PDE1A: variants seen among roughly 807,000 people sequenced by gnomAD.
PDE1A encodes dual specificity calcium/calmodulin-dependent 3',5'-cyclic nucleotide phosphodiesterase 1A.
PDE1A carries 35 observed loss-of-function variants against 61.7 expected under a neutral mutation model. The ratio of observed to expected loss-of-function variants is 0.57; its 90% CI spans 0.43 to 0.75. The LOEUF (loss-of-function observed/expected upper bound fraction) is 0.75, where lower values mean the gene tolerates loss of function less well. Among genes scored for constraint, PDE1A ranks in the 30% least tolerant of loss-of-function variants. PDE1A has a pLI of 0.00. For missense variants in PDE1A, 597 were observed against 630.6 expected (o/e 0.95, Z 0.57); for synonymous variants, 232 against 213.2 (o/e 1.09, Z -0.77).
At chr2:182,538,237 C>T in the PDE1A span, among the ~76,000 whole-genome samples, 1 of 152,130 alleles carries the variant, frequency 6.6e-6, no homozygotes, top group African/African-American at 2.4e-5. Context: ...TCACATTTCC[C>T]TGTTTTTACT....
chr2:182,499,173 G>GTTTTTT lies in PDE1A; in HGVS notation c.101+23097_101+23102dup, dbSNP rs545033513. ...AGGCTATTTTCTTTCTCTTTTTCTTGTTTTTTTTTTTTTTTTTTTTTGAGA... is the reference window on the plus strand; with the variant it reads ...AGGCTATTTTCTTTCTCTTTTTCTTGTTTTTTTTTTTTTTTTTTTTTTTTTTTGAGA... On this transcript the variant is annotated intron_variant, in intron 2 of 14. Coordinates refer to the PDE1A transcript ENST00000410103. Among the ~76,000 whole-genome samples the GTTTTTT allele has an allele frequency of 7.5e-4, 58 of 77,318 alleles. 2 individuals are homozygous for GTTTTTT. The highest frequency in any genetic ancestry group is 2.8e-3 in the East Asian group (6 of 2,106). 50.7% of individuals were successfully genotyped at this position (77,318 alleles called of 152,430 possible).
the PDE1A span, among the ~76,000 whole-genome samples, chr2:182,563,643 G>T: frequency 6.6e-6 from 1 of 152,140 alleles, no homozygotes; most frequent in Admixed American, 6.5e-5. Context: ...TCTGTCTAAT[G>T]TTGACAGTGG....
chr2:182,386,689 C>T (rs1275964770), intron 1 of PDE1A, among the ~76,000 whole-genome samples: 1 of 151,920 alleles, frequency 6.6e-6, no homozygotes, highest in Non-Finnish European at 1.5e-5. Context: ...CTCCGCCCGG[C>T]AGCTGCCCCG....
At chr2:182,263,986 A>G (rs1365519177) in intron 2 of PDE1A, among the ~76,000 whole-genome samples, 2 of 152,210 alleles carry the variant, frequency 1.3e-5, no homozygotes, top group Non-Finnish European at 2.9e-5. Flanking sequence ...GTATAAGCCT[A>G]CACGTAACTC....
intron 1 of PDE1A, among the ~76,000 whole-genome samples, chr2:182,377,306 AC>A (rs1474866120): frequency 6.6e-6 from 1 of 151,758 alleles, no homozygotes; most frequent in Non-Finnish European, 1.5e-5. Context: ...ACACCCCCTG[AC>A]CCTTTATCTT....
At chr2:182,565,133 T>G in the PDE1A span, among the ~76,000 whole-genome samples, 7 of 152,212 alleles carry the variant, frequency 4.6e-5, no homozygotes, top group African/African-American at 1.7e-4. Flanking sequence ...GGCGCTCTGC[T>G]TTTTAGAGTT....
chr2:182,387,801 A>G (rs572348909), intron 1 of PDE1A, among the ~76,000 whole-genome samples: 1 of 152,110 alleles, frequency 6.6e-6, no homozygotes, highest in Non-Finnish European at 1.5e-5. Flanking sequence ...ATCACTCTAC[A>G]AAACAACTAG....
chr2:182,550,113 C>T, the PDE1A span, among the ~76,000 whole-genome samples: 9 of 152,078 alleles, frequency 5.9e-5, no homozygotes, highest in South Asian at 1.9e-3. Context: ...TAATCAAGAC[C>T]GGCATTAGAA....
At chr2:182,289,768 G>A (rs2125881030) in intron 1 of PDE1A, among the ~76,000 whole-genome samples, 1 of 151,990 alleles carries the variant, frequency 6.6e-6, no homozygotes, top group Non-Finnish European at 1.5e-5. Context: ...CTTCTCTTTT[G>A]ATTCTATTAT....
chr2:182,246,405 CTTT>C (rs869291397), intron 2 of PDE1A, among the ~76,000 whole-genome samples: 64 of 78,852 alleles, frequency 8.1e-4, no homozygotes, highest in East Asian at 4.6e-3. Context: ...TTTTTTCTTT[CTTT>C]TTTTTTTTTT....
the PDE1A span, among the ~76,000 whole-genome samples, chr2:182,702,077 A>C: frequency 6.6e-6 from 1 of 152,204 alleles, no homozygotes; most frequent in Admixed American, 6.5e-5. Context: ...ATGCATAAAC[A>C]GTAATAATTT....
At chr2:182,500,784 C>G (rs955645547) in intron 2 of PDE1A, among the ~76,000 whole-genome samples, 2 of 152,180 alleles carry the variant, frequency 1.3e-5, no homozygotes, top group Non-Finnish European at 2.9e-5. Flanking sequence ...ACATGGCAGT[C>G]TTACAACTGT....
intron 2 of PDE1A, among the ~76,000 whole-genome samples, chr2:182,473,411 T>C (rs548868262): frequency 2.5e-4 from 38 of 151,774 alleles, no homozygotes; most frequent in Non-Finnish European, 4.6e-4. Flanking sequence ...GAATCTACAA[T>C]GAACTCAAAC....
intron 1 of PDE1A, among the ~76,000 whole-genome samples, chr2:182,309,590 A>G (rs1455288474): frequency 6.6e-6 from 1 of 152,142 alleles, no homozygotes. Flanking sequence ...TCTAATCAAA[A>G]AATATCAAAG....
intron 6 of PDE1A, among the ~76,000 whole-genome samples, chr2:182,226,199 C>T (rs1689128653): frequency 6.7e-6 from 1 of 149,530 alleles, no homozygotes; most frequent in South Asian, 2.1e-4. Flanking sequence ...TATGATAACA[C>T]AGAATATAAA....
chr2:182,692,165 C>T, the PDE1A span, among the ~76,000 whole-genome samples: 605 of 152,214 alleles, frequency 4.0e-3, 24 homozygotes, highest in East Asian at 0.094. Context: ...CCAGCAATCC[C>T]ATTACTAGGT....
the PDE1A span, among the ~76,000 whole-genome samples, chr2:182,568,868 G>A: frequency 1.3e-5 from 2 of 151,796 alleles, no homozygotes; most frequent in African/African-American, 4.8e-5. Flanking sequence ...GGCCAGGCAC[G>A]GTGGCTCACA....
At chr2:182,364,720 TA>T (rs1006604784) in intron 1 of PDE1A, among the ~76,000 whole-genome samples, 115 of 151,764 alleles carry the variant, frequency 7.6e-4, no homozygotes, top group African/African-American at 2.4e-3. Context: ...TTATAATTTT[TA>T]AAAAAAATAG....
At chr2:182,285,628 C>A (rs1028068030) in intron 1 of PDE1A, among the ~76,000 whole-genome samples, 4 of 152,076 alleles carry the variant, frequency 2.6e-5, no homozygotes, top group African/African-American at 7.2e-5. Context: ...GTTACTTTGG[C>A]CAATGGAAAG....
Sources: allele counts gnomAD v4.1 joint callset (sites outside exome capture counted in the v4.1 genomes callset), GRCh38; gene constraint gnomAD v4.1.1; transcripts MANE v1.5; gene names NCBI Gene and HGNC (gene_info 2026-07-23, HGNC 2026-07-21).